The following ZNF567 variants were observed in gnomAD, a reference collection of about 807,000 sequenced individuals.
ZNF567 encodes the protein zinc finger protein 567.
A neutral mutation model predicts 53.9 loss-of-function variants in ZNF567; 36 were observed. The observed-to-expected ratio is 0.67, with a 90% CI of 0.51 to 0.88. ZNF567 has a LOEUF of 0.88. ZNF567 is among the 40% of genes least tolerant of loss of function. The pLI is 0.00. For synonymous variants in ZNF567, 224 were observed against 260.4 expected (o/e 0.86, Z 1.35); for missense variants, 619 against 764.7 (o/e 0.81, Z 2.25).
At position 36,719,040 on chromosome 19, in the gene ZNF567, CTGG is replaced by C. The variant is rs780672006; in HGVS notation, c.319_321del (p.Val107del). 1 of 1,611,468 alleles carries C rather than the reference CTGG, an allele frequency of 6.2e-7. No homozygotes were observed. Among genetic ancestry groups the C allele is most frequent in the East Asian group, 2.2e-5 (1 of 44,838 alleles). ...AGTTGTAAGCATCAACCACAAAAAACTGGTGAAGGAGAAGAGTAAAATATATGA... is the reference window on the plus strand; with the variant it reads ...AGTTGTAAGCATCAACCACAAAAAACTGAAGGAGAAGAGTAAAATATATGA... On this transcript the variant is annotated inframe_deletion, in exon 6 of 6. Transcript: ENST00000682579.
At chr19:36,702,059 T>G (rs1388343823) in intron 3 of ZNF567, among the ~76,000 whole-genome samples, 1 of 152,174 alleles carries the variant, frequency 6.6e-6, no homozygotes, top group Non-Finnish European at 1.5e-5. Context: ...CAGCGGCTGG[T>G]ACTGGTTGTT....
intron 3 of ZNF567, 95 bp downstream of exon 3, chr19:36,694,971 T>C (rs2038804495): frequency 7.4e-7 from 1 of 1,347,236 alleles, no homozygotes. Context: ...TACATCCTCC[T>C]ACCTATCTTT....
intron 2 of ZNF567, among the ~76,000 whole-genome samples, chr19:36,690,460 C>G (rs150681157): frequency 3.3e-5 from 5 of 152,110 alleles, no homozygotes; most frequent in Admixed American, 3.3e-4. Context: ...GGCGTAGTGG[C>G]ACGCCCCTGT....
chr19:36,675,274 T>G, the ZNF567 span, among the ~76,000 whole-genome samples: 1 of 151,904 alleles, frequency 6.6e-6, no homozygotes, highest in Non-Finnish European at 1.5e-5. Flanking sequence ...GTGTGGTGGC[T>G]CACACATGTA....
chr19:36,691,963 A>T (rs956801138), intron 2 of ZNF567, among the ~76,000 whole-genome samples: 2 of 152,272 alleles, frequency 1.3e-5, no homozygotes, highest in Non-Finnish European at 2.9e-5. Context: ...CAATTCACTC[A>T]TATTATTGCA....
chr19:36,710,096 A>G (rs1007931243), intron 3 of ZNF567, among the ~76,000 whole-genome samples: 1 of 152,082 alleles, frequency 6.6e-6, no homozygotes, highest in Non-Finnish European at 1.5e-5. Flanking sequence ...AATATGACCT[A>G]TGGATCTTTG....
chr19:36,698,074 C>A (rs868741394), intron 3 of ZNF567, among the ~76,000 whole-genome samples: 6 of 152,080 alleles, frequency 3.9e-5, no homozygotes, highest in Admixed American at 6.5e-5. Flanking sequence ...TCCCTCCCCC[C>A]TCTCCCCACC....
chr19:36,711,681 G>A (rs2039795259), intron 3 of ZNF567: 1 of 152,178 alleles, frequency 6.6e-6, no homozygotes, highest in South Asian at 2.1e-4. Context: ...CTACCTTTGT[G>A]ATACATGCTG....
chr19:36,723,119 T>C (rs575060890), downstream of ZNF567: 1 of 702,336 alleles, frequency 1.4e-6, no homozygotes, highest in African/African-American at 1.7e-5. Context: ...TACTAGTATA[T>C]GCTAACAGTG....
At chr19:36,727,213 A>T (rs1336673918), downstream of ZNF567, 1 of 151,200 alleles carries the variant, frequency 6.6e-6, no homozygotes, top group Non-Finnish European at 1.5e-5. Context: ...CTGGGATTAC[A>T]GGTACGTGCC....
chr19:36,713,631 A>G (rs1483984793), intron 5 of ZNF567, among the ~76,000 whole-genome samples: 1 of 150,894 alleles, frequency 6.6e-6, no homozygotes, highest in African/African-American at 2.4e-5. Flanking sequence ...ACAGAACCAG[A>G]CTTTTAAATA....
At chr19:36,696,233 G>A (rs1219312067) in intron 3 of ZNF567, among the ~76,000 whole-genome samples, 2 of 152,084 alleles carry the variant, frequency 1.3e-5, no homozygotes, top group Admixed American at 1.3e-4. Flanking sequence ...ACTCTTTCTT[G>A]TTTCAGTCAG....
the ZNF567 span, among the ~76,000 whole-genome samples, chr19:36,670,614 C>G: frequency 6.6e-6 from 1 of 152,116 alleles, no homozygotes; most frequent in African/African-American, 2.4e-5. Flanking sequence ...TCCTCTGCTA[C>G]CTGATGTGTA....
rs2040248144 is a variant in ZNF567 at position 36,720,163 on chromosome 19, C to T, written c.1439C>T (p.Pro480Leu). ...THTGEKSYEC[P>L]HCGKAFRMKS... ...ACAGGGGAGAAATCTTATGAATGTC[C>T]TCACTGTGGGAAGGCCTTTAGAATG... The change falls in exon 6 of 6, where the codon CCT (proline) becomes CTT (leucine). Residue 480 changes from proline to leucine, a missense_variant. Transcript: ENST00000682579. 3 of 1,612,826 alleles carry T rather than the reference C, an allele frequency of 1.9e-6. No individual in the cohort carries two copies. Among genetic ancestry groups the T allele is most frequent in the African/African-American group, 2.7e-5 (2 of 74,548 alleles).
At position 36,694,828 on chromosome 19, in the gene ZNF567, C is replaced by T. The variant is rs1214240247; in HGVS notation, c.-40C>T. The T allele has an allele frequency of 6.6e-7, 1 of 1,518,216 alleles. No homozygotes were observed. Among genetic ancestry groups the T allele is most frequent in the Non-Finnish European group, 8.8e-7 (1 of 1,142,150 alleles). The allele number at this position is 1,518,216 out of a possible 1,614,324, so 94.0% of individuals were successfully genotyped here. On this transcript the variant is annotated 5_prime_UTR_variant, in exon 3 of 6. Coordinates refer to ENST00000682579, the MANE Select transcript of ZNF567 (RefSeq NM_001322917.1). ...AACTGCCTCTTTTCTAAAGAGGACT[C>T]CAAAGGAAGGACTGGTCATCTCTTT... is the stretch of plus-strand genomic sequence containing the variant.
chr19:36,681,892 C>T, the ZNF567 span, among the ~76,000 whole-genome samples: 1 of 152,188 alleles, frequency 6.6e-6, no homozygotes, highest in East Asian at 1.9e-4. Context: ...ACTGATCAAC[C>T]TAACTCCTAA....
In ZNF567 at chr19:36,698,359, A is replaced by T. The variant is rs1288525424; in HGVS notation, c.9+3483A>T. On this transcript the variant is annotated intron_variant, in intron 3 of 5. Coordinates refer to ENST00000682579, the MANE Select transcript of ZNF567 (RefSeq NM_001322917.1). ...TTTGGGTTGGTTCCAAGTCTTTGCT[A>T]TTGTGAATAGTGCCGCAGTAAACAT... is the stretch of plus-strand genomic sequence containing the variant. 4.6e-5 allele frequency among the ~76,000 whole-genome samples: 7 copies of T among 151,832 alleles called. No homozygotes were observed. In the South Asian group the frequency reaches 1.5e-3, roughly 32 times the overall value.
Position 36,689,236 on chromosome 19 carries a change from A to AGTGTGT in ZNF567, c.-167-128_-167-123dup, listed in dbSNP as rs59984347. Among the ~76,000 whole-genome samples, 934 of 138,952 alleles carry AGTGTGT rather than the reference A, an allele frequency of 6.7e-3. 12 individuals carry two copies. Among genetic ancestry groups the AGTGTGT allele is most frequent in the African/African-American group, 0.02 (725 of 36,864 alleles). The allele number at this position is 138,952 out of a possible 152,430, so 91.2% of individuals were successfully genotyped here. On this transcript the variant is annotated intron_variant, in intron 1 of 5. Transcript: ENST00000682579. The stretch of plus-strand genomic sequence containing the variant: ...GCCACTCTCAAAATTCCTATTTGAG[A>AGTGTGT]GTGTGTGTGTGTGTGTGTGTGTGTG...
downstream of ZNF567, among the ~76,000 whole-genome samples, chr19:36,726,631 C>G (rs895076331): frequency 1.3e-5 from 2 of 152,210 alleles, no homozygotes; most frequent in Non-Finnish European, 2.9e-5. Context: ...CTTCCATATA[C>G]ACCACAGAGG....
Sources: allele counts gnomAD v4.1 joint callset (sites outside exome capture counted in the v4.1 genomes callset), GRCh38; gene constraint gnomAD v4.1.1; transcripts MANE v1.5; gene names NCBI Gene and HGNC (gene_info 2026-07-23, HGNC 2026-07-21).